Variants in FBXO4 observed in about 807,000 individuals in gnomAD.
FBXO4 encodes F-box only protein 4.
In FBXO4, 36 loss-of-function variants were observed where a neutral mutation model predicts 43.7. The observed-to-expected ratio is 0.82, with a 90% CI of 0.63 to 1.09. FBXO4 has a LOEUF of 1.09. FBXO4 is among the 50% of genes least tolerant of loss of function. The pLI is 0.00. For missense variants in FBXO4, 435 were observed against 474.1 expected (o/e 0.92, Z 0.77); for synonymous variants, 180 against 165.6 (o/e 1.09, Z -0.67).
chr5:41,951,061 G>T, the FBXO4 span, among the ~76,000 whole-genome samples: 1 of 152,230 alleles, frequency 6.6e-6, no homozygotes, highest in South Asian at 2.1e-4. Flanking sequence ...GGGGCCTGTT[G>T]GGGGGTAGGG....
Position 41,925,447 on chromosome 5 carries a change from G to A in FBXO4, c.138G>A (p.Thr46=). The A allele has an allele frequency of 7.4e-7, 1 of 1,356,472 alleles. No individual in the cohort carries two copies. The highest frequency in any genetic ancestry group is 3.1e-5 in the East Asian group (1 of 32,358). 84.0% of individuals were successfully genotyped at this position (1,356,472 alleles called of 1,614,324 possible). Reference sequence around the variant, plus strand: ...TGAGCAAGGAGAGGGTGGCGCGTACGACCTCACGGGAGGAGGTGGATGAGG... The same window carrying A: ...TGAGCAAGGAGAGGGTGGCGCGTACAACCTCACGGGAGGAGGTGGATGAGG... The part of the protein sequence containing the change: ...QSVSKERVAR[T]TSREEVDEAA... The change falls in exon 1 of 7, where the codon ACG becomes ACA. Residue 46 remains threonine, a synonymous_variant. Transcript: ENST00000281623.
At chr5:42,029,052 A>T in the FBXO4 span, among the ~76,000 whole-genome samples, 2 of 151,840 alleles carry the variant, frequency 1.3e-5, no homozygotes, top group Non-Finnish European at 2.9e-5. Flanking sequence ...ATATCTTCAG[A>T]TATTTCTTTT....
chr5:41,942,830 A>T (rs1397967110), downstream of FBXO4, among the ~76,000 whole-genome samples: 5 of 152,128 alleles, frequency 3.3e-5, no homozygotes, highest in Non-Finnish European at 1.5e-5. Context: ...GATGATTTTG[A>T]CAAGTACATG....
chr5:41,961,330 C>A, the FBXO4 span, among the ~76,000 whole-genome samples: 1 of 152,022 alleles, frequency 6.6e-6, no homozygotes, highest in Non-Finnish European at 1.5e-5. Flanking sequence ...TGAAGAGATT[C>A]CTCTTCACAC....
chr5:41,974,495 C>A, the FBXO4 span, among the ~76,000 whole-genome samples: 1 of 152,020 alleles, frequency 6.6e-6, no homozygotes, highest in African/African-American at 2.4e-5. Flanking sequence ...ATCTGTCAAT[C>A]TATTTTTAAG....
chr5:42,035,285 T>G, the FBXO4 span, among the ~76,000 whole-genome samples: 7 of 152,164 alleles, frequency 4.6e-5, no homozygotes, highest in East Asian at 1.4e-3. Context: ...CAATTTGACT[T>G]TTTCTCTTCC....
intron 2 of FBXO4, among the ~76,000 whole-genome samples, chr5:41,927,989 ATATT>A (rs779409692): frequency 1.3e-5 from 2 of 152,202 alleles, no homozygotes; most frequent in South Asian, 2.1e-4. Flanking sequence ...AAATTTCAAA[ATATT>A]TATTCTTTAA....
the FBXO4 span, among the ~76,000 whole-genome samples, chr5:42,021,859 G>A: frequency 8.3e-4 from 127 of 152,116 alleles, no homozygotes; most frequent in African/African-American, 2.9e-3. Flanking sequence ...AAGAATAAAA[G>A]CATGAATCAA....
At position 41,934,792 on chromosome 5, in the gene FBXO4, T is replaced by C. The variant is rs900675243; in HGVS notation, c.898+484T>C. 14 of 1,001,772 alleles carry C rather than the reference T, an allele frequency of 1.4e-5. No homozygotes were observed. In the African/African-American group the frequency reaches 2.4e-4, roughly 17 times the overall value. The allele number at this position is 1,001,772 out of a possible 1,614,324, so 62.1% of individuals were successfully genotyped here. ...TGTGATGGTAGGGTGTTAAGTAGAT[T>C]AGTTGAGAACACTATTCATATATTC... On this transcript the variant is annotated intron_variant, in intron 5 of 6. Coordinates refer to ENST00000281623, the MANE Select transcript of FBXO4 (RefSeq NM_012176.3).
the FBXO4 span, among the ~76,000 whole-genome samples, chr5:42,010,384 T>A: frequency 6.6e-6 from 1 of 152,010 alleles, no homozygotes; most frequent in African/African-American, 2.4e-5. Flanking sequence ...AGCACGTGCC[T>A]GTAATCCTAG....
At chr5:42,029,935 C>T in the FBXO4 span, among the ~76,000 whole-genome samples, 3 of 151,896 alleles carry the variant, frequency 2.0e-5, no homozygotes, top group African/African-American at 7.3e-5. Context: ...AACTACAAAC[C>T]ACTGCTCAAT....
At chr5:41,984,278 TAGTC>T in the FBXO4 span, among the ~76,000 whole-genome samples, 1 of 152,206 alleles carries the variant, frequency 6.6e-6, no homozygotes, top group Admixed American at 6.5e-5. Context: ...AAAGAGAACT[TAGTC>T]AATCTGATAA....
chr5:41,967,145 T>C, the FBXO4 span: 4 of 384,724 alleles, frequency 1.0e-5, no homozygotes, highest in African/African-American at 4.3e-5. Context: ...AGTTAGTTAG[T>C]GGCTACTCCA....
At chr5:41,965,265 CA>C in the FBXO4 span, among the ~76,000 whole-genome samples, 1 of 152,140 alleles carries the variant, frequency 6.6e-6, no homozygotes, top group African/African-American at 2.4e-5. Flanking sequence ...GTACCAGTAC[CA>C]TGCTGTTTTT....
At chr5:42,021,319 C>A in the FBXO4 span, among the ~76,000 whole-genome samples, 1 of 151,970 alleles carries the variant, frequency 6.6e-6, no homozygotes, top group Non-Finnish European at 1.5e-5. Flanking sequence ...AGAGAGCATT[C>A]CTGTGGCTTG....
At chr5:41,970,192 C>T in the FBXO4 span, among the ~76,000 whole-genome samples, 20 of 152,126 alleles carry the variant, frequency 1.3e-4, no homozygotes, top group African/African-American at 4.8e-4. Context: ...GCCTAATTTA[C>T]AGCAGTAGAT....
the FBXO4 span, among the ~76,000 whole-genome samples, chr5:41,949,164 T>A: frequency 6.6e-6 from 1 of 152,172 alleles, no homozygotes; most frequent in African/African-American, 2.4e-5. Flanking sequence ...AAGACAAGGA[T>A]GCCCTCTCTC....
chr5:41,946,183 G>C (rs1752075312), downstream of FBXO4, among the ~76,000 whole-genome samples: 1 of 152,158 alleles, frequency 6.6e-6, no homozygotes, highest in South Asian at 2.1e-4. Context: ...TCACTGTCTT[G>C]TGTGTGTCTA....
At chr5:41,946,816 C>A in the FBXO4 span, among the ~76,000 whole-genome samples, 1 of 152,030 alleles carries the variant, frequency 6.6e-6, no homozygotes, top group Non-Finnish European at 1.5e-5. Context: ...ATAGAAGACC[C>A]CACACTGTCT....
Sources: allele counts gnomAD v4.1 joint callset (sites outside exome capture counted in the v4.1 genomes callset), GRCh38; gene constraint gnomAD v4.1.1; transcripts MANE v1.5; gene names NCBI Gene and HGNC (gene_info 2026-07-23, HGNC 2026-07-21).